The following NKAIN2 variants were observed in gnomAD, a reference collection of about 807,000 sequenced individuals.
The protein encoded by NKAIN2 is sodium/potassium-transporting ATPase subunit beta-1-interacting protein 2.
NKAIN2 carries 14 observed loss-of-function variants against 32.6 expected under a neutral mutation model. That is an observed-to-expected ratio of 0.43 (90% CI 0.28 to 0.67). NKAIN2 has a LOEUF of 0.67. Ranked by LOEUF, NKAIN2 falls within the 30% of genes least tolerant of loss-of-function variation. The pLI, the probability that NKAIN2 is intolerant of heterozygous loss-of-function variation, is 0.17. For missense variants in NKAIN2, 198 were observed against 258.3 expected, an observed-to-expected ratio of 0.77 and a Z score of 1.60; for synonymous variants, 80 against 87.2, an observed-to-expected ratio of 0.92 and a Z score of 0.46.
At chr6:124,555,643 T>C (rs1391974850) in intron 3 of NKAIN2, among the ~76,000 whole-genome samples, 1 of 152,200 alleles carries the variant, frequency 6.6e-6, no homozygotes, top group African/African-American at 2.4e-5. Context: ...GTACTTCTGC[T>C]TCAAGTATCC....
chr6:123,829,343 G>T (rs571870855), intron 1 of NKAIN2: 1 of 152,140 alleles, frequency 6.6e-6, no homozygotes, highest in African/African-American at 2.4e-5. Context: ...CATCCTGTGG[G>T]TGTCTCAAAG....
chr6:124,723,582 G>A (rs577972345), intron 4 of NKAIN2, among the ~76,000 whole-genome samples: 2 of 152,188 alleles, frequency 1.3e-5, no homozygotes, highest in African/African-American at 4.8e-5. Context: ...TAGCTATTTG[G>A]GAAGGTTCCA....
intron 1 of NKAIN2, among the ~76,000 whole-genome samples, chr6:124,136,365 A>C (rs1051083094): frequency 6.6e-6 from 1 of 152,086 alleles, no homozygotes; most frequent in Non-Finnish European, 1.5e-5. Flanking sequence ...ATTGAAACTG[A>C]TTAAAAAGTT....
chr6:124,572,040 C>A (rs1340510825), intron 3 of NKAIN2, among the ~76,000 whole-genome samples: 2 of 152,176 alleles, frequency 1.3e-5, no homozygotes, highest in Non-Finnish European at 2.9e-5. Flanking sequence ...TATCCCATCA[C>A]CAAGTCCAGA....
chr6:124,011,304 C>T (rs2114735586), intron 1 of NKAIN2, among the ~76,000 whole-genome samples: 1 of 152,090 alleles, frequency 6.6e-6, no homozygotes, highest in South Asian at 2.1e-4. Flanking sequence ...AGTCATCTTT[C>T]ATTTCTGTTT....
intron 2 of NKAIN2, among the ~76,000 whole-genome samples, chr6:124,321,265 A>G (rs1323808325): frequency 6.6e-6 from 1 of 151,994 alleles, no homozygotes; most frequent in Non-Finnish European, 1.5e-5. Flanking sequence ...CTTGCTACTT[A>G]TATAAACTTT....
chr6:123,987,661 GTT>G (rs1333438759), intron 1 of NKAIN2, among the ~76,000 whole-genome samples: 2 of 152,148 alleles, frequency 1.3e-5, no homozygotes, highest in African/African-American at 2.4e-5. Context: ...CTTCCTGGCT[GTT>G]AGTTGGAGCT....
At chr6:124,553,517 G>A (rs1780367618) in intron 3 of NKAIN2, among the ~76,000 whole-genome samples, 1 of 152,122 alleles carries the variant, frequency 6.6e-6, no homozygotes, top group Admixed American at 6.5e-5. Context: ...ATGTTGGTCA[G>A]GCTGGTCTCC....
intron 2 of NKAIN2, among the ~76,000 whole-genome samples, chr6:124,339,459 A>C (rs1798027280): frequency 6.6e-6 from 1 of 152,280 alleles, no homozygotes; most frequent in African/African-American, 2.4e-5. Flanking sequence ...TCTCTGGGGG[A>C]AAATTCGATC....
chr6:124,111,369 A>G (rs1433020887), intron 1 of NKAIN2, among the ~76,000 whole-genome samples: 1 of 148,932 alleles, frequency 6.7e-6, no homozygotes, highest in East Asian at 1.9e-4. Flanking sequence ...TTTGCTTTAT[A>G]TATCGAGGTG....
intron 1 of NKAIN2, among the ~76,000 whole-genome samples, chr6:123,954,852 G>T (rs1472223576): frequency 2.0e-5 from 3 of 152,046 alleles, no homozygotes; most frequent in Admixed American, 1.3e-4. Context: ...TCACCTTTCT[G>T]ACTAGAGAAC....
chr6:124,708,172 G>A (rs1775206166), intron 4 of NKAIN2, among the ~76,000 whole-genome samples: 3 of 144,412 alleles, frequency 2.1e-5, no homozygotes, highest in Non-Finnish European at 3.0e-5. Flanking sequence ...CATTATTTCT[G>A]AGGGCTCTGT....
intron 1 of NKAIN2, among the ~76,000 whole-genome samples, chr6:123,972,603 A>G (rs1447896362): frequency 4.6e-5 from 7 of 152,182 alleles, no homozygotes; most frequent in East Asian, 3.9e-4. Context: ...AAAAAGCTCT[A>G]TAAAAGATAA....
chr6:124,023,673 A>T (rs1319286121), intron 1 of NKAIN2, among the ~76,000 whole-genome samples: 1 of 152,166 alleles, frequency 6.6e-6, no homozygotes, highest in Non-Finnish European at 1.5e-5. Context: ...TGCAGGACAG[A>T]TTAACTTTAC....
At chr6:124,530,527 C>T (rs566099584) in intron 3 of NKAIN2, among the ~76,000 whole-genome samples, 2 of 152,210 alleles carry the variant, frequency 1.3e-5, no homozygotes, top group East Asian at 3.9e-4. Flanking sequence ...AAAGTCTGCA[C>T]ATAAATGGAC....
chr6:124,053,891 T>C (rs1782521962), intron 1 of NKAIN2, among the ~76,000 whole-genome samples: 1 of 151,986 alleles, frequency 6.6e-6, no homozygotes, highest in South Asian at 2.1e-4. Context: ...AATTTCAAGG[T>C]CCCTGAGACT....
intron 4 of NKAIN2, among the ~76,000 whole-genome samples, chr6:124,767,009 C>T (rs1034627260): frequency 4.6e-5 from 7 of 152,224 alleles, no homozygotes; most frequent in African/African-American, 1.7e-4. Context: ...ATTCTCCTGC[C>T]TCAGCCTCCC....
At chr6:124,105,668 T>C (rs1785083934) in intron 1 of NKAIN2, among the ~76,000 whole-genome samples, 1 of 152,196 alleles carries the variant, frequency 6.6e-6, no homozygotes, top group African/African-American at 2.4e-5. Flanking sequence ...GTGTTGTAAA[T>C]GGCAACCAAA....
chr6:124,706,649 A>G (rs1775083884), intron 4 of NKAIN2, among the ~76,000 whole-genome samples: 1 of 152,190 alleles, frequency 6.6e-6, no homozygotes, highest in Non-Finnish European at 1.5e-5. Flanking sequence ...GCAGATAGAA[A>G]AGTCTCAGTA....
Sources: gnomAD v4.1 joint callset for allele counts (sites outside exome capture counted in the v4.1 genomes callset) on GRCh38, gnomAD v4.1.1 for gene constraint, MANE v1.5 for transcripts, NCBI Gene and HGNC (gene_info 2026-07-23, HGNC 2026-07-21) for gene names.